Variants in RABEPK observed in about 807,000 individuals in gnomAD.
RABEPK encodes the protein 40 kDa Rab9 effector protein.
A neutral mutation model predicts 34.1 loss-of-function variants in RABEPK; 27 were observed. The observed-to-expected ratio is 0.79, with a 90% CI of 0.58 to 1.09. The LOEUF is 1.09. Ranked by LOEUF, RABEPK falls within the 50% of genes least tolerant of loss-of-function variation. The probability of loss-of-function intolerance (pLI) is 0.00; values close to 1 mark genes in which losing one functional copy is unlikely to be tolerated. For missense variants in RABEPK, 449 were observed against 462.6 expected, an observed-to-expected ratio of 0.97 and a Z score of 0.27; for synonymous variants, 172 against 169.2, an observed-to-expected ratio of 1.02 and a Z score of -0.13.
At chr9:125,219,366 A>AT (rs1301109226) in intron 4 of RABEPK, among the ~76,000 whole-genome samples, 6 of 149,362 alleles carry the variant, frequency 4.0e-5, no homozygotes, top group Non-Finnish European at 5.9e-5. Flanking sequence ...GCTCAGCCTA[A>AT]TTTTTTTTAA....
chr9:125,229,937 G>A (rs916969340), intron 6 of RABEPK, among the ~76,000 whole-genome samples: 2 of 152,140 alleles, frequency 1.3e-5, no homozygotes, highest in African/African-American at 4.8e-5. Flanking sequence ...CTAGCACTTA[G>A]CACAGTGTCT....
At chr9:125,225,974 AG>A (rs1831711029) in intron 5 of RABEPK, among the ~76,000 whole-genome samples, 2 of 149,442 alleles carry the variant, frequency 1.3e-5, no homozygotes, top group African/African-American at 5.0e-5. Context: ...AAAAAAAAAA[AG>A]AAAAAGAAAA....
chr9:125,220,944 A>C (rs1488840673), intron 5 of RABEPK: 1 of 435,824 alleles, frequency 2.3e-6, no homozygotes, highest in Non-Finnish European at 3.9e-6. Flanking sequence ...AGGCAGGTGG[A>C]CCGCTTAAGG....
chr9:125,212,545 C>T (rs1830654814), intron 3 of RABEPK, among the ~76,000 whole-genome samples: 1 of 151,820 alleles, frequency 6.6e-6, no homozygotes, highest in Non-Finnish European at 1.5e-5. Flanking sequence ...ATTCTGTGAA[C>T]TTGTCTTAGC....
chr9:125,211,925 C>T lies in RABEPK; in HGVS notation c.212-1445C>T, dbSNP rs150363390. Among the ~76,000 whole-genome samples, 1,045 of 151,952 alleles carry T rather than the reference C, an allele frequency of 6.9e-3. 8 individuals carry two copies. The highest frequency in any genetic ancestry group is 0.014 in the Middle Eastern group (4 of 294). On this transcript the variant is annotated intron_variant, in intron 3 of 7. Transcript: ENST00000373538. Reference sequence around the variant, plus strand: ...CAGAGGTTGCAGTGAGCCGAGATCGCGCCAGTGCGCTCCAGCCTGGGCAAC... The same window carrying T: ...CAGAGGTTGCAGTGAGCCGAGATCGTGCCAGTGCGCTCCAGCCTGGGCAAC...
intron 6 of RABEPK, among the ~76,000 whole-genome samples, chr9:125,231,710 A>G (rs1209721278): frequency 4.0e-5 from 6 of 151,428 alleles, no homozygotes; most frequent in Admixed American, 3.3e-4. Flanking sequence ...GCTGAGGCAG[A>G]GAATTGCTTG....
At chr9:125,223,031 C>G (rs1465235033) in intron 5 of RABEPK, among the ~76,000 whole-genome samples, 2 of 152,186 alleles carry the variant, frequency 1.3e-5, no homozygotes, top group African/African-American at 2.4e-5. Flanking sequence ...CCTGTAATCC[C>G]AGCACTTTGG....
intron 6 of RABEPK, among the ~76,000 whole-genome samples, chr9:125,231,224 G>A (rs1369151175): frequency 1.3e-5 from 2 of 152,072 alleles, no homozygotes; most frequent in South Asian, 4.1e-4. Flanking sequence ...AATCCGGGAG[G>A]TGGAGGTTGC....
intron 3 of RABEPK, among the ~76,000 whole-genome samples, chr9:125,212,851 G>C (rs1366865267): frequency 6.6e-6 from 1 of 151,622 alleles, no homozygotes; most frequent in East Asian, 2.0e-4. Context: ...TTGTATTTTA[G>C]TAGAGATGAG....
At chr9:125,223,689 C>T (rs569514240) in intron 5 of RABEPK, among the ~76,000 whole-genome samples, 29 of 147,792 alleles carry the variant, frequency 2.0e-4, no homozygotes, top group African/African-American at 6.6e-4. Flanking sequence ...TGCACCACTG[C>T]ACTCCAGCCT....
intron 3 of RABEPK, among the ~76,000 whole-genome samples, chr9:125,212,794 C>T (rs1448183201): frequency 1.3e-5 from 2 of 151,864 alleles, no homozygotes; most frequent in Admixed American, 6.6e-5. Context: ...CTCAGCCTCC[C>T]GAGTAGCTGG....
intron 4 of RABEPK, among the ~76,000 whole-genome samples, chr9:125,218,321 CA>C (rs71374234): frequency 2.6e-3 from 109 of 41,164 alleles, no homozygotes; most frequent in Middle Eastern, 0.019. Flanking sequence ...GACTCCGTCT[CA>C]AAAAAAAAAA....
chr9:125,225,497 A>G (rs1011830654), intron 5 of RABEPK, among the ~76,000 whole-genome samples: 28 of 151,972 alleles, frequency 1.8e-4, no homozygotes, highest in African/African-American at 6.8e-4. Context: ...TAGCCTAGCC[A>G]ACATGGCAAA....
intron 4 of RABEPK, among the ~76,000 whole-genome samples, chr9:125,214,543 A>G (rs1830799319): frequency 1.3e-5 from 2 of 152,148 alleles, no homozygotes; most frequent in South Asian, 2.1e-4. Flanking sequence ...TTTGTTTTTC[A>G]TATCTTGCTG....
chr9:125,201,275 A>G (rs1228203006), intron 1 of RABEPK, among the ~76,000 whole-genome samples: 1 of 152,230 alleles, frequency 6.6e-6, no homozygotes, highest in Non-Finnish European at 1.5e-5. Context: ...CCAGAAGGGA[A>G]GCGACATTCC....
At chr9:125,211,350 A>G (rs539969159) in intron 3 of RABEPK, among the ~76,000 whole-genome samples, 7 of 151,696 alleles carry the variant, frequency 4.6e-5, no homozygotes, top group East Asian at 2.0e-4. Flanking sequence ...GGTTTTCACC[A>G]TGTTGGCCAG....
At chr9:125,227,731 A>G (rs549886193) in intron 5 of RABEPK, among the ~76,000 whole-genome samples, 179 bp from the exon 6 acceptor site, 2 of 151,966 alleles carry the variant, frequency 1.3e-5, no homozygotes, top group African/African-American at 4.8e-5. Context: ...GCAGCAGCCT[A>G]TAGGATGTAA....
intron 7 of RABEPK, among the ~76,000 whole-genome samples, chr9:125,233,360 A>C (rs1040226393): frequency 1.3e-4 from 13 of 102,972 alleles, no homozygotes; most frequent in Admixed American, 1.3e-4. Context: ...TTTGTCTGAG[A>C]TGGAGTCTCA....
At chr9:125,209,287 C>G (rs1012684529) in intron 3 of RABEPK, among the ~76,000 whole-genome samples, 1 of 151,522 alleles carries the variant, frequency 6.6e-6, no homozygotes, top group African/African-American at 2.4e-5. Flanking sequence ...TCTTCAAATC[C>G]TGACCTGGTG....
Sources: gnomAD v4.1 joint callset for allele counts (sites outside exome capture counted in the v4.1 genomes callset) on GRCh38, gnomAD v4.1.1 for gene constraint, MANE v1.5 for transcripts, NCBI Gene and HGNC (gene_info 2026-07-23, HGNC 2026-07-21) for gene names.